The following C2orf42 variants were observed in gnomAD, a reference collection of about 807,000 sequenced individuals.
The protein encoded by C2orf42 is uncharacterized protein C2orf42.
A neutral mutation model predicts 58.9 loss-of-function variants in C2orf42; 44 were observed. The observed-to-expected ratio is 0.75, with a 90% CI of 0.59 to 0.96. The LOEUF (loss-of-function observed/expected upper bound fraction) is 0.96, where lower values mean the gene tolerates loss of function less well. Ranked by LOEUF, C2orf42 falls within the 40% of genes least tolerant of loss-of-function variation. C2orf42 has a pLI of 0.00. For missense variants in C2orf42, 630 were observed against 699.2 expected (o/e 0.90, Z 1.12); for synonymous variants, 239 against 265.4 (o/e 0.90, Z 0.97).
chr2:70,181,640 A>G lies in C2orf42; in HGVS notation c.346T>C (p.Tyr116His). 1 of 1,614,048 alleles carries G rather than the reference A, an allele frequency of 6.2e-7. No homozygotes were observed. The highest frequency in any genetic ancestry group is 8.5e-7 in the Non-Finnish European group (1 of 1,179,952). ...IITQLSSGRC[Y>H]VPSCLKAATQ... ...GCAGCTTTCAGGCATGAGGGGACATAACACCGTCCAGAGCTCAGCTGAGTG... is the reference window on the plus strand; with the variant it reads ...GCAGCTTTCAGGCATGAGGGGACATGACACCGTCCAGAGCTCAGCTGAGTG... The change falls in exon 3 of 10, where the codon TAT (tyrosine) becomes CAT (histidine). Residue 116 changes from tyrosine (Y) to histidine (H), a missense_variant. Physicochemically the swap from Tyr to His is moderately conservative, Grantham distance 83. Transcript: ENST00000264434.
At chr2:70,186,568 G>C (rs1674950105) in intron 1 of C2orf42, among the ~76,000 whole-genome samples, 1 of 152,154 alleles carries the variant, frequency 6.6e-6, no homozygotes, top group Non-Finnish European at 1.5e-5. Flanking sequence ...CAGGGATCTA[G>C]AACTAGAAAT....
Position 70,165,648 on chromosome 2 carries a change from A to G in C2orf42, c.1145-13T>C. The G allele has an allele frequency of 1.4e-6, 2 of 1,436,822 alleles. No individual in the cohort carries two copies. Among genetic ancestry groups the G allele is most frequent in the Non-Finnish European group, 2.0e-6 (2 of 1,020,170 alleles). The allele number at this position is 1,436,822 out of a possible 1,614,324, so 89.0% of individuals were successfully genotyped here. A position where few individuals can be genotyped will look rare whatever the true frequency, so the allele number is the denominator to read the frequency against. On this transcript the variant is annotated splice_polypyrimidine_tract_variant and intron_variant, in intron 6 of 9. Transcript: ENST00000264434. The stretch of plus-strand genomic sequence containing the variant: ...GGTTCTGGTTTGCCTATGGGAAACA[A>G]GAAGAAACAACTCATTTAAAGAAAC...
chr2:70,184,686 GC>G (rs1287770546), intron 1 of C2orf42, among the ~76,000 whole-genome samples: 1 of 151,798 alleles, frequency 6.6e-6, no homozygotes, highest in Non-Finnish European at 1.5e-5. Flanking sequence ...TCACTATGTT[GC>G]CCAGGCTGGC....
chr2:70,176,096 T>C (rs936455816), intron 4 of C2orf42, among the ~76,000 whole-genome samples: 24 of 152,230 alleles, frequency 1.6e-4, no homozygotes, highest in Admixed American at 1.6e-3. Context: ...GGTTTTGTGA[T>C]TTTTAAGTAG....
intron 1 of C2orf42, among the ~76,000 whole-genome samples, chr2:70,188,663 T>C (rs1456788819): frequency 6.6e-6 from 1 of 152,160 alleles, no homozygotes. Flanking sequence ...ACATTATTAT[T>C]AACTGAACTC....
At position 70,165,507 on chromosome 2, in the gene C2orf42, TACCAAAGGGAA is replaced by T; in HGVS notation, c.1252+10_1252+20del. 1 of 1,284,974 alleles carries T rather than the reference TACCAAAGGGAA, an allele frequency of 7.8e-7. No individual in the cohort carries two copies. The highest frequency in any genetic ancestry group is 1.1e-6 in the Non-Finnish European group (1 of 880,706). 79.6% of individuals were successfully genotyped at this position (1,284,974 alleles called of 1,614,324 possible). On this transcript the variant is annotated intron_variant, in intron 7 of 9. Transcript: ENST00000264434. ...TCTATGTTCGAGACATCCATCACTA[TACCAAAGGGAA>T]ATCCTGTACCTGTGGTGGAGTTGGG...
chr2:70,158,493 A>G (rs72900680), intron 9 of C2orf42, among the ~76,000 whole-genome samples: 6,261 of 152,224 alleles, frequency 0.041, 435 homozygotes, highest in Admixed American at 0.18. Context: ...CCTCTCGCCC[A>G]GGCTGAAGTG....
intron 8 of C2orf42, 127 bp downstream of exon 8, chr2:70,164,965 T>C: frequency 2.1e-6 from 1 of 476,620 alleles, no homozygotes; most frequent in Non-Finnish European, 3.8e-6. Context: ...TTTCTGAATA[T>C]CTCTTAGCAT....
chr2:70,190,915 T>A (rs1484043801), intron 1 of C2orf42, 58 bp downstream of exon 1: 2 of 152,324 alleles, frequency 1.3e-5, no homozygotes, highest in Non-Finnish European at 2.9e-5. Context: ...ACTACCCCCT[T>A]ACCTGCCCTG....
intron 2 of C2orf42, 39 bp downstream of exon 2, chr2:70,182,628 C>T (rs1258054910): frequency 2.0e-5 from 3 of 152,086 alleles, no homozygotes; most frequent in African/African-American, 7.2e-5. Context: ...GAGTTTTTTT[C>T]CCTTCCATCA....
intron 6 of C2orf42, among the ~76,000 whole-genome samples, chr2:70,168,292 T>C (rs1673545216): frequency 2.2e-5 from 2 of 90,696 alleles, no homozygotes; most frequent in African/African-American, 1.8e-4. Context: ...ATAGGATCCT[T>C]TTTTTTTTTT....
At chr2:70,153,032 CAAA>C (rs879667551) in intron 9 of C2orf42, among the ~76,000 whole-genome samples, 2 of 115,340 alleles carry the variant, frequency 1.7e-5, no homozygotes. Context: ...GACTCCATCT[CAAA>C]AAAAAAAAAA....
intron 5 of C2orf42, among the ~76,000 whole-genome samples, chr2:70,171,975 C>T (rs1450475866): frequency 6.6e-6 from 1 of 151,622 alleles, no homozygotes; most frequent in Non-Finnish European, 1.5e-5. Flanking sequence ...GTAATCCCAG[C>T]ACTTTGGGAG....
rs1673016850 is a variant in C2orf42, at chr2:70,160,884, C to T, written c.1354-97G>A. On this transcript the variant is annotated intron_variant, in intron 8 of 9. Coordinates refer to ENST00000264434, the MANE Select transcript of C2orf42 (RefSeq NM_017880.3). ...ACAAATCTTTTATTATTCCTTCTTT[C>T]TTGTTAAGTATATTCAAATGAATTA... 1.8e-5 allele frequency: 14 copies of T among 757,948 alleles called. No homozygotes were observed. In the South Asian group the frequency reaches 2.8e-4, roughly 15 times the overall value. 47.0% of individuals were successfully genotyped at this position (757,948 alleles called of 1,614,324 possible). A position where few individuals can be genotyped will look rare whatever the true frequency, so the allele number is the denominator to read the frequency against.
chr2:70,156,560 TA>T (rs201264551), intron 9 of C2orf42, among the ~76,000 whole-genome samples: 11 of 151,310 alleles, frequency 7.3e-5, no homozygotes, highest in South Asian at 2.1e-4. Flanking sequence ...GCGAACATAT[TA>T]AAAAAAATAA....
chr2:70,173,267 C>CTTTTTTTT (rs202063318), intron 5 of C2orf42, among the ~76,000 whole-genome samples: 28 of 95,730 alleles, frequency 2.9e-4, no homozygotes, highest in African/African-American at 8.4e-4. Flanking sequence ...TGCGTAAGTT[C>CTTTTTTTT]TTTTTTTTTT....
At chr2:70,182,230 G>A (rs1340760159) in intron 2 of C2orf42, among the ~76,000 whole-genome samples, 2 of 152,008 alleles carry the variant, frequency 1.3e-5, no homozygotes, top group African/African-American at 4.8e-5. Flanking sequence ...CTCCCGAATA[G>A]CTGGGACTAT....
chr2:70,170,520 T>G (rs1233773461), intron 5 of C2orf42, among the ~76,000 whole-genome samples: 1 of 152,072 alleles, frequency 6.6e-6, no homozygotes. Context: ...AGTGCTGGAT[T>G]ACAGGCGTGA....
chr2:70,187,811 C>T (rs1047750409), intron 1 of C2orf42, among the ~76,000 whole-genome samples: 1 of 151,756 alleles, frequency 6.6e-6, no homozygotes, highest in Non-Finnish European at 1.5e-5. Context: ...CTGCCTCAGC[C>T]TCCCGATTAA....
Sources: gnomAD v4.1 joint callset for allele counts (sites outside exome capture counted in the v4.1 genomes callset) on GRCh38, gnomAD v4.1.1 for gene constraint, MANE v1.5 for transcripts, NCBI Gene and HGNC (gene_info 2026-07-23, HGNC 2026-07-21) for gene names.